TMEM86A: variants seen among roughly 807,000 people sequenced by gnomAD.
The protein encoded by TMEM86A is transmembrane protein 86A, also known as lysoplasmalogenase TMEM86A.
In TMEM86A, 13 loss-of-function variants were observed where a neutral mutation model predicts 19.8. The ratio of observed to expected loss-of-function variants is 0.66; its 90% confidence interval spans 0.43 to 1.04. The LOEUF (loss-of-function observed/expected upper bound fraction) is 1.04. Among genes scored for constraint, TMEM86A ranks in the 50% least tolerant of loss-of-function variants. The probability of loss-of-function intolerance (pLI) is 0.00; values close to 1 mark genes in which losing one functional copy is unlikely to be tolerated. For synonymous variants in TMEM86A, 128 were observed against 129.9 expected (o/e 0.99, Z 0.10); for missense variants, 248 against 306.8 (o/e 0.81, Z 1.43).
rs184233599 is a variant in TMEM86A at position 18,703,078 on chromosome 11, T to C, written c.*1069T>C. 1 of 152,822 alleles carries C rather than the reference T, an allele frequency of 6.5e-6. No individual in the cohort carries two copies. The highest frequency in any genetic ancestry group is 1.9e-4 in the East Asian group (1 of 5,194). The allele number at this position is 152,822 out of a possible 1,614,324, so 9.5% of individuals were successfully genotyped here. On this transcript the variant is annotated 3_prime_UTR_variant, in exon 3 of 3. Transcript: ENST00000280734. ...AGGATGGGACAACTCCATCTTCTGC[T>C]GCCCATGTGAAAAATAATAAAAATC...
At position 18,704,247 on chromosome 11, in the gene TMEM86A, A is replaced by G. The variant is rs547793261; in HGVS notation, c.*2238A>G. ...AGGCTTTCAGGGGTCCAGGTCTGGG[A>G]TTCCCTATCATGCAATCACATCCAT... On this transcript the variant is annotated 3_prime_UTR_variant, in exon 3 of 3. Transcript: ENST00000280734. 5.3e-5 allele frequency: 28 copies of G among 524,336 alleles called. No homozygotes were observed. The highest frequency in any genetic ancestry group is 7.6e-5 in the Non-Finnish European group (22 of 290,336). The allele number at this position is 524,336 out of a possible 1,614,324, so 32.5% of individuals were successfully genotyped here. A position where few individuals can be genotyped will look rare whatever the true frequency, so the allele number is the denominator to read the frequency against.
Position 18,704,274 on chromosome 11 carries a change from C to T in TMEM86A, c.*2265C>T, listed in dbSNP as rs746415231. 3 of 577,818 alleles carry T rather than the reference C, an allele frequency of 5.2e-6. No individual in the cohort carries two copies. Among genetic ancestry groups the T allele is most frequent in the Non-Finnish European group, 9.3e-6 (3 of 320,894 alleles). 35.8% of individuals were successfully genotyped at this position (577,818 alleles called of 1,614,324 possible). A position where few individuals can be genotyped will look rare whatever the true frequency, so the allele number is the denominator to read the frequency against. ...TCCCTATCATGCAATCACATCCATC[C>T]CCTTGGTCCCTGCTGTATATCACCC... On this transcript the variant is annotated 3_prime_UTR_variant, in exon 3 of 3. Transcript: ENST00000280734.
intron 1 of TMEM86A, chr11:18,700,521 A>G (rs1335342903): frequency 4.5e-6 from 1 of 221,228 alleles, no homozygotes; most frequent in African/African-American, 2.2e-5. Context: ...CTAAGGCTGC[A>G]CCCTGGCCCC....
intron 1 of TMEM86A, 26 bp from the exon 2 acceptor site, chr11:18,700,907 T>A (rs771241879): frequency 6.2e-7 from 1 of 1,611,188 alleles, no homozygotes; most frequent in African/African-American, 1.3e-5. Flanking sequence ...AAGTTCTGAG[T>A]GCTGCCCTTG....
chr11:18,702,053 C>T lies in TMEM86A; in HGVS notation c.*44C>T. 1 of 1,582,256 alleles carries T rather than the reference C, an allele frequency of 6.3e-7. No homozygotes were observed. Among genetic ancestry groups the T allele is most frequent in the South Asian group, 1.1e-5 (1 of 89,598 alleles). ...CCCCTCTCTCCTCCTGGGGCTGGGG[C>T]CCAGATCCTGGGGACCTGCAGGAGC... On this transcript the variant is annotated 3_prime_UTR_variant, in exon 3 of 3. Coordinates refer to ENST00000280734, the MANE Select transcript of TMEM86A (RefSeq NM_153347.3).
chr11:18,699,069 G>C lies in TMEM86A; in HGVS notation c.21+162G>C, dbSNP rs965602183. ...GAGGCGGGCGCTGTCACCGCCCCCC[G>C]CTCCTCAGACTCGCGGCGCCCCTCC... On this transcript the variant is annotated intron_variant, in intron 1 of 2. Coordinates refer to ENST00000280734, the MANE Select transcript of TMEM86A (RefSeq NM_153347.3). This position sits in a 1 kb window ranked among gnomAD's most constrained non-coding sequence, Gnocchi z 4.0. Among the ~76,000 whole-genome samples, 1 of 151,918 alleles carries C rather than the reference G, an allele frequency of 6.6e-6. No individual in the cohort carries two copies. The highest frequency in any genetic ancestry group is 6.6e-5 in the Admixed American group (1 of 15,264).
Position 18,701,496 on chromosome 11 carries a change from A to G in TMEM86A, c.287-77A>G, listed in dbSNP as rs1848149097. 4 of 1,444,398 alleles carry G rather than the reference A, an allele frequency of 2.8e-6. No homozygotes were observed. Among genetic ancestry groups the G allele is most frequent in the Non-Finnish European group, 3.7e-6 (4 of 1,068,508 alleles). 89.5% of individuals were successfully genotyped at this position (1,444,398 alleles called of 1,614,324 possible). A position where few individuals can be genotyped will look rare whatever the true frequency, so the allele number is the denominator to read the frequency against. ...CCCAAACACTCCACTCCATCGCCAC[A>G]TCCATCCCTACCCCCACCCTGTTAC... On this transcript the variant is annotated intron_variant, in intron 2 of 2. Coordinates refer to ENST00000280734, the MANE Select transcript of TMEM86A (RefSeq NM_153347.3). The surrounding 1 kb of genome is among the most constrained non-coding windows in gnomAD (Gnocchi z 5.3).
Position 18,700,972 on chromosome 11 carries a change from G to GCCAC in TMEM86A, c.63_66dup (p.Cys23HisfsTer13). ...ACCCAAACTGGTGCCGTTCTTCAAGGCCACCTGCGTGTATTTTGTGCTCTG... is the reference window on the plus strand; with the variant it reads ...ACCCAAACTGGTGCCGTTCTTCAAGGCCACCCACCTGCGTGTATTTTGTGCTCTG... On this transcript the variant is annotated frameshift_variant, in exon 2 of 3. Coordinates refer to ENST00000280734, the MANE Select transcript of TMEM86A (RefSeq NM_153347.3). LOFTEE classifies it high-confidence loss of function. 6.2e-7 allele frequency: 1 copy of GCCAC among 1,614,140 alleles called. No individual in the cohort carries two copies. Among genetic ancestry groups the GCCAC allele is most frequent in the East Asian group, 2.2e-5 (1 of 44,870 alleles).
rs1848157848 is a variant in TMEM86A at position 18,702,234 on chromosome 11, A to T, written c.*225A>T. 1.0e-5 allele frequency: 6 copies of T among 582,144 alleles called. No individual in the cohort carries two copies. In the South Asian group the frequency reaches 1.2e-4, roughly 12 times the overall value. The allele number at this position is 582,144 out of a possible 1,614,324, so 36.1% of individuals were successfully genotyped here. A position where few individuals can be genotyped will look rare whatever the true frequency, so the allele number is the denominator to read the frequency against. ...AAGAGCCAGCCTAATATCAGACTGGAGCCAGAAGTAGACATCTCCCCACCT... is the reference window on the plus strand; with the variant it reads ...AAGAGCCAGCCTAATATCAGACTGGTGCCAGAAGTAGACATCTCCCCACCT... On this transcript the variant is annotated 3_prime_UTR_variant, in exon 3 of 3. Coordinates refer to ENST00000280734, the MANE Select transcript of TMEM86A (RefSeq NM_153347.3).
chr11:18,704,403 T>G lies in TMEM86A; in HGVS notation c.*2394T>G. On this transcript the variant is annotated 3_prime_UTR_variant, in exon 3 of 3. Coordinates refer to ENST00000280734, the MANE Select transcript of TMEM86A (RefSeq NM_153347.3). The stretch of plus-strand genomic sequence containing the variant: ...AAACTGGGCTTCCTACACTGGGCCA[T>G]GCAGAGGACAGGCCAAGAAACTCCA... 3.7e-6 allele frequency: 4 copies of G among 1,076,094 alleles called. No homozygotes were observed. Among genetic ancestry groups the G allele is most frequent in the Non-Finnish European group, 5.6e-6 (4 of 714,224 alleles). The allele number at this position is 1,076,094 out of a possible 1,614,324, so 66.7% of individuals were successfully genotyped here.
At position 18,701,487 on chromosome 11, in the gene TMEM86A, C is replaced by T. The variant is rs2134150184; in HGVS notation, c.287-86C>T. The T allele has an allele frequency of 1.4e-6, 2 of 1,397,406 alleles. No homozygotes were observed. The highest frequency in any genetic ancestry group is 2.8e-5 in the South Asian group (2 of 71,980). The allele number at this position is 1,397,406 out of a possible 1,614,324, so 86.6% of individuals were successfully genotyped here. On this transcript the variant is annotated intron_variant, in intron 2 of 2. Coordinates refer to ENST00000280734, the MANE Select transcript of TMEM86A (RefSeq NM_153347.3). The surrounding 1 kb of genome is among the most constrained non-coding windows in gnomAD (Gnocchi z 5.3). ...CTGGGTTATCCCAAACACTCCACTC[C>T]ATCGCCACATCCATCCCTACCCCCA...
In TMEM86A at chr11:18,699,596, C is replaced by T. The variant is rs563817823; in HGVS notation, c.21+689C>T. On this transcript the variant is annotated intron_variant, in intron 1 of 2. Coordinates refer to ENST00000280734, the MANE Select transcript of TMEM86A (RefSeq NM_153347.3). This position sits in a 1 kb window ranked among gnomAD's most constrained non-coding sequence, Gnocchi z 4.0. ...GCCATGGAGCGGAGGTTAATGCTCC[C>T]AGGGGCTGGCAGGTGGTTGCTGGGC... Among the ~76,000 whole-genome samples the T allele has an allele frequency of 6.6e-6, 1 of 152,306 alleles. No individual in the cohort carries two copies. The highest frequency in any genetic ancestry group is 1.9e-4 in the East Asian group (1 of 5,186).
In TMEM86A at chr11:18,702,126, G is replaced by C; in HGVS notation, c.*117G>C. The C allele has an allele frequency of 9.0e-7, 1 of 1,110,474 alleles. No homozygotes were observed. The highest frequency in any genetic ancestry group is 1.3e-6 in the Non-Finnish European group (1 of 780,770). 68.8% of individuals were successfully genotyped at this position (1,110,474 alleles called of 1,614,324 possible). A position where few individuals can be genotyped will look rare whatever the true frequency, so the allele number is the denominator to read the frequency against. ...CAGCCTGGGGCAGCAGGTACTGCCT[G>C]AGGAATTTGCAAGTTCGTGTGGGGA... is the stretch of plus-strand genomic sequence containing the variant. On this transcript the variant is annotated 3_prime_UTR_variant, in exon 3 of 3. Coordinates refer to ENST00000280734, the MANE Select transcript of TMEM86A (RefSeq NM_153347.3).
At position 18,701,001 on chromosome 11, in the gene TMEM86A, G is replaced by A. The variant is rs376314544; in HGVS notation, c.90G>A (p.Leu30=). ...CCTGCGTGTATTTTGTGCTCTGGCT[G>A]CCCTCATCTAGCCCATCGTGGGTCA... The part of the protein sequence containing the change: ...KATCVYFVLW[L]PSSSPSWVST... Residue 30 remains leucine, a synonymous_variant, in exon 2 of 3, where the codon CTG becomes CTA. Coordinates refer to ENST00000280734, the MANE Select transcript of TMEM86A (RefSeq NM_153347.3). This position sits in a 1 kb window ranked among gnomAD's most constrained non-coding sequence, Gnocchi z 5.3. 3.1e-5 allele frequency: 50 copies of A among 1,614,062 alleles called. No individual in the cohort carries two copies. Among genetic ancestry groups the A allele is most frequent in the Non-Finnish European group, 4.2e-5 (49 of 1,180,044 alleles).
At position 18,703,806 on chromosome 11, in the gene TMEM86A, AG is replaced by A. The variant is rs1333622034; in HGVS notation, c.*1802del. On this transcript the variant is annotated 3_prime_UTR_variant, in exon 3 of 3. Coordinates refer to ENST00000280734, the MANE Select transcript of TMEM86A (RefSeq NM_153347.3). The stretch of plus-strand genomic sequence containing the variant: ...TTAGTTTTTACAGAGATTCCTGGTA[AG>A]GGGGTAGTGAAGGAATAATGAGAGA... The A allele has an allele frequency of 6.6e-6, 1 of 152,176 alleles. No homozygotes were observed. The highest frequency in any genetic ancestry group is 1.5e-5 in the Non-Finnish European group (1 of 68,036). 9.4% of individuals were successfully genotyped at this position (152,176 alleles called of 1,614,324 possible). A position where few individuals can be genotyped will look rare whatever the true frequency, so the allele number is the denominator to read the frequency against.
Position 18,702,279 on chromosome 11 carries a change from A to C in TMEM86A, c.*270A>C. 2.0e-6 allele frequency: 1 copy of C among 493,816 alleles called. No individual in the cohort carries two copies. The highest frequency in any genetic ancestry group is 2.3e-5 in the South Asian group (1 of 42,672). The allele number at this position is 493,816 out of a possible 1,614,324, so 30.6% of individuals were successfully genotyped here. Reference sequence around the variant, plus strand: ...CCACCTCTACCCTATCAGGACTTTCAAAACCCCCCTGGAAGGTGATGGTGC... The same window carrying C: ...CCACCTCTACCCTATCAGGACTTTCCAAACCCCCCTGGAAGGTGATGGTGC... On this transcript the variant is annotated 3_prime_UTR_variant, in exon 3 of 3. Transcript: ENST00000280734.
rs1158933786 is a variant in TMEM86A, at chr11:18,704,484, G to A, written c.*2475G>A. ...GGCTGGAGCTCACATGAGGTGCTTT[G>A]ATTTCTTCTGCAGACTCTCGGTGAT... On this transcript the variant is annotated 3_prime_UTR_variant, in exon 3 of 3. Transcript: ENST00000280734. 6.4e-7 allele frequency: 1 copy of A among 1,550,616 alleles called. No homozygotes were observed. Among genetic ancestry groups the A allele is most frequent in the Non-Finnish European group, 8.7e-7 (1 of 1,146,262 alleles).
At chr11:18,698,970 G>C (rs1238572762) in intron 1 of TMEM86A, 63 bp downstream of exon 1, 1 of 469,012 alleles carries the variant, frequency 2.1e-6, no homozygotes, top group Non-Finnish European at 3.8e-6. Flanking sequence ...CTGGCCACCG[G>C]ACTTCGGCAG....
Position 18,702,136 on chromosome 11 carries a change from C to A in TMEM86A, c.*127C>A. The A allele has an allele frequency of 1.0e-6, 1 of 975,610 alleles. No homozygotes were observed. Among genetic ancestry groups the A allele is most frequent in the Non-Finnish European group, 1.5e-6 (1 of 663,718 alleles). The allele number at this position is 975,610 out of a possible 1,614,324, so 60.4% of individuals were successfully genotyped here. On this transcript the variant is annotated 3_prime_UTR_variant, in exon 3 of 3. Coordinates refer to ENST00000280734, the MANE Select transcript of TMEM86A (RefSeq NM_153347.3). ...CAGCAGGTACTGCCTGAGGAATTTG[C>A]AAGTTCGTGTGGGGAGGCTGGAAAA... is the stretch of plus-strand genomic sequence containing the variant.
Sources: allele counts gnomAD v4.1 joint callset (sites outside exome capture counted in the v4.1 genomes callset), GRCh38; gene constraint gnomAD v4.1.1; non-coding constraint Gnocchi (gnomAD v3.1); transcripts MANE v1.5; gene names NCBI Gene and HGNC (gene_info 2026-07-23, HGNC 2026-07-21).